Variants in RRBP1 observed in about 807,000 individuals in gnomAD.
RRBP1 encodes ribosome binding protein 1.
In RRBP1, 94 loss-of-function variants were observed where a neutral mutation model predicts 165.2. That is an observed-to-expected ratio of 0.57 (90% CI 0.48 to 0.68). The LOEUF (loss-of-function observed/expected upper bound fraction) is 0.68, where lower values mean the gene tolerates loss of function less well. Ranked by LOEUF, RRBP1 falls within the 30% of genes least tolerant of loss-of-function variation. The pLI, the probability that RRBP1 is intolerant of heterozygous loss-of-function variation, is 0.00. For synonymous variants in RRBP1, 680 were observed against 714.5 expected (o/e 0.95, Z 0.77); for missense variants, 1,676 against 1,763.0 (o/e 0.95, Z 0.88).
chr20:17,614,683 CG>C, intron 24 of RRBP1, 53 bp downstream of exon 24: 3 of 1,598,572 alleles, frequency 1.9e-6, no homozygotes, highest in Non-Finnish European at 2.6e-6. Context: ...CCTGCCTCCC[CG>C]GGGCTCCCGG....
chr20:17,652,238 T>C (rs764394362), intron 3 of RRBP1, among the ~76,000 whole-genome samples: 33 of 152,356 alleles, frequency 2.2e-4, no homozygotes, highest in Non-Finnish European at 4.6e-4. Context: ...GATCTGTCTC[T>C]GCACTGTGTA....
intron 3 of RRBP1, among the ~76,000 whole-genome samples, chr20:17,645,336 C>T (rs1054278095): frequency 3.9e-5 from 6 of 152,220 alleles, no homozygotes; most frequent in South Asian, 4.1e-4. Flanking sequence ...TTAAAACTTT[C>T]TAACGTAATT....
intron 16 of RRBP1, 98 bp from the exon 17 acceptor site, chr20:17,620,905 G>T: frequency 1.2e-6 from 1 of 844,634 alleles, no homozygotes; most frequent in Non-Finnish European, 1.8e-6. Context: ...GACCTGCCGT[G>T]CTCCGCCTGC....
At chr20:17,618,018 C>T (rs1269444421) in intron 20 of RRBP1, among the ~76,000 whole-genome samples, 2 of 152,120 alleles carry the variant, frequency 1.3e-5, no homozygotes. Context: ...ACTCAAGAGG[C>T]CACCTGCACA....
chr20:17,677,897 T>C (rs923809535), intron 2 of RRBP1, among the ~76,000 whole-genome samples: 2 of 152,078 alleles, frequency 1.3e-5, no homozygotes, highest in Non-Finnish European at 2.9e-5. Context: ...AACAGAGCTG[T>C]GTAAATAGTC....
At chr20:17,627,703 C>G (rs774564335) in intron 9 of RRBP1, 21 bp from the exon 10 acceptor site, 1 of 1,567,950 alleles carries the variant, frequency 6.4e-7, no homozygotes, top group African/African-American at 1.4e-5. Flanking sequence ...GGAAGGGAAA[C>G]GAGAAGTTAA....
intron 11 of RRBP1, 138 bp downstream of exon 11, chr20:17,627,210 G>C (rs551217214): frequency 7.3e-5 from 58 of 799,268 alleles, no homozygotes; most frequent in Non-Finnish European, 9.3e-5. Flanking sequence ...ACCGGAGGAT[G>C]GGGGAGGGAA....
At chr20:17,647,009 C>T (rs966191302) in intron 3 of RRBP1, among the ~76,000 whole-genome samples, 1 of 152,210 alleles carries the variant, frequency 6.6e-6, no homozygotes, top group Non-Finnish European at 1.5e-5. Flanking sequence ...GCCGCCTGAG[C>T]CCTGGCAGCA....
chr20:17,628,221 C>T (rs961753395), intron 9 of RRBP1, among the ~76,000 whole-genome samples: 1 of 152,154 alleles, frequency 6.6e-6, no homozygotes, highest in Admixed American at 6.5e-5. Context: ...GTGTCATCTT[C>T]GTGCCTCTGA....
At chr20:17,625,202 G>A (rs546119080) in intron 12 of RRBP1, among the ~76,000 whole-genome samples, 1 of 152,278 alleles carries the variant, frequency 6.6e-6, no homozygotes, top group South Asian at 2.1e-4. Context: ...CCTGGGACCA[G>A]GATCCCCACT....
intron 14 of RRBP1, 38 bp downstream of exon 14, chr20:17,621,817 G>T: frequency 6.2e-7 from 1 of 1,611,720 alleles, no homozygotes; most frequent in Non-Finnish European, 8.5e-7. Context: ...CATTCCCTGA[G>T]AACTGTGAGG....
chr20:17,668,586 C>T (rs1270726482), intron 2 of RRBP1, among the ~76,000 whole-genome samples: 1 of 152,184 alleles, frequency 6.6e-6, no homozygotes, highest in Non-Finnish European at 1.5e-5. Flanking sequence ...CTCCCTTGCC[C>T]AGGACAAAAC....
At chr20:17,646,711 G>A (rs529555000) in intron 3 of RRBP1, among the ~76,000 whole-genome samples, 8 of 152,156 alleles carry the variant, frequency 5.3e-5, no homozygotes, top group Non-Finnish European at 7.4e-5. Context: ...TCCCTTCTGC[G>A]ACCACACTGG....
chr20:17,629,558 C>G (rs1168720320), intron 9 of RRBP1, among the ~76,000 whole-genome samples: 1 of 151,918 alleles, frequency 6.6e-6, no homozygotes, highest in Non-Finnish European at 1.5e-5. Flanking sequence ...GCCTTGCCCC[C>G]CACTTCTAGC....
rs1473542213 is a variant in RRBP1 at position 17,613,749 on chromosome 20, T to C, written c.*433A>G. 2 of 176,926 alleles carry C rather than the reference T, an allele frequency of 1.1e-5. No homozygotes were observed. Among genetic ancestry groups the C allele is most frequent in the East Asian group, 3.0e-4 (2 of 6,666 alleles). The allele number at this position is 176,926 out of a possible 1,614,324, so 11.0% of individuals were successfully genotyped here. A position where few individuals can be genotyped will look rare whatever the true frequency, so the allele number is the denominator to read the frequency against. On this transcript the variant is annotated 3_prime_UTR_variant, in exon 25 of 25. Transcript: ENST00000377813. ...CACACGTCAGTTCTGGTTGGCAACG[T>C]CTAGGGGTGAGGGGCTGTGGCCTCC...
intron 5 of RRBP1, 191 bp downstream of exon 5, chr20:17,641,606 G>A (rs962050680): frequency 1.5e-5 from 10 of 678,326 alleles, no homozygotes; most frequent in Non-Finnish European, 2.0e-5. Context: ...CACGAGCACT[G>A]CCAAGGGTGA....
intron 1 of RRBP1, among the ~76,000 whole-genome samples, chr20:17,680,595 C>T (rs1219287668): frequency 6.6e-6 from 1 of 152,090 alleles, no homozygotes; most frequent in Non-Finnish European, 1.5e-5. Context: ...CCCAGCACTT[C>T]CCGGCGTGGT....
chr20:17,661,399 C>A (rs2036763292), intron 2 of RRBP1, among the ~76,000 whole-genome samples: 1 of 152,170 alleles, frequency 6.6e-6, no homozygotes, highest in Non-Finnish European at 1.5e-5. Context: ...CATCCAGAAG[C>A]TGCACAGAGG....
chr20:17,660,393 C>T lies in RRBP1; in HGVS notation c.115G>A (p.Glu39Lys), dbSNP rs772908005. Residue 39 changes from glutamate to lysine, a missense_variant, in exon 3 of 25, where the codon GAA (glutamate) becomes AAA (lysine). This residue lies in a region of RRBP1 where 392 missense variants were observed against 382.5 expected (regional missense o/e 1.02). Coordinates refer to ENST00000377813, the MANE Select transcript of RRBP1 (RefSeq NM_001365613.2). ...STFSMKETSY[E>K]EALANQRKEM... is the part of the protein sequence containing the mutation. ...TTGCGCTGGTTGGCTAGGGCTTCTT[C>T]ATATGACGTTTCCTTCATGGAGAAA... 6.2e-7 allele frequency: 1 copy of T among 1,614,160 alleles called. No homozygotes were observed. The highest frequency in any genetic ancestry group is 8.5e-7 in the Non-Finnish European group (1 of 1,180,032).
Sources: gnomAD v4.1 joint callset for allele counts (sites outside exome capture counted in the v4.1 genomes callset) on GRCh38, gnomAD v4.1.1 for gene constraint, gnomAD v4.1.1 regional missense constraint, MANE v1.5 for transcripts, NCBI Gene and HGNC (gene_info 2026-07-23, HGNC 2026-07-21) for gene names.